NRXN1: variants seen among roughly 807,000 people sequenced by gnomAD.
The protein encoded by NRXN1 is neurexin 1.
A neutral mutation model predicts 150.9 loss-of-function variants in NRXN1; 39 were observed. The observed-to-expected ratio is 0.26, with a 90% CI of 0.20 to 0.34. The LOEUF (loss-of-function observed/expected upper bound fraction) is 0.34. Ranked by LOEUF, NRXN1 falls within the 10% of genes least tolerant of loss-of-function variation. NRXN1 has a pLI of 1.00. For missense variants in NRXN1, 1,815 were observed against 1,949.9 expected (o/e 0.93, Z 1.30); for synonymous variants, 924 against 757.0 (o/e 1.22, Z -3.62).
chr2:50,765,955 G>C (rs927057955), intron 5 of NRXN1, among the ~76,000 whole-genome samples: 2 of 151,938 alleles, frequency 1.3e-5, no homozygotes, highest in African/African-American at 2.4e-5. Flanking sequence ...TGACTGATTG[G>C]TTTTTATGCC....
intron 5 of NRXN1, among the ~76,000 whole-genome samples, chr2:50,839,391 T>C (rs1352946220): frequency 6.6e-6 from 1 of 152,136 alleles, no homozygotes; most frequent in Non-Finnish European, 1.5e-5. Flanking sequence ...ATACCATCAG[T>C]TATTTTAGTT....
At chr2:50,467,906 C>T (rs1347644216) in intron 16 of NRXN1, among the ~76,000 whole-genome samples, 1 of 151,432 alleles carries the variant, frequency 6.6e-6, no homozygotes, top group African/African-American at 2.4e-5. Context: ...CACTTAATTG[C>T]TTAGTTTTAA....
chr2:50,387,590 T>C (rs1481202028), intron 17 of NRXN1, among the ~76,000 whole-genome samples: 1 of 152,182 alleles, frequency 6.6e-6, no homozygotes, highest in African/African-American at 2.4e-5. Context: ...TCTGCTAAGG[T>C]AGGAGAAGTG....
chr2:50,829,216 G>A (rs1447945043), intron 5 of NRXN1, among the ~76,000 whole-genome samples: 7 of 152,126 alleles, frequency 4.6e-5, no homozygotes, highest in Admixed American at 1.3e-4. Context: ...GAGGGAGACC[G>A]TGGAAAGAGA....
At chr2:50,079,335 A>T (rs1301306987) in intron 19 of NRXN1, among the ~76,000 whole-genome samples, 1 of 152,054 alleles carries the variant, frequency 6.6e-6, no homozygotes, top group African/African-American at 2.4e-5. Context: ...TATTGTAAAT[A>T]AAGATTTATT....
chr2:50,589,887 C>A (rs1202766144), intron 8 of NRXN1, among the ~76,000 whole-genome samples: 1 of 152,136 alleles, frequency 6.6e-6, no homozygotes, highest in Non-Finnish European at 1.5e-5. Context: ...GGCACGTGCA[C>A]CCTCATTAGA....
intron 5 of NRXN1, among the ~76,000 whole-genome samples, chr2:50,746,536 C>A (rs1046960376): frequency 1.3e-5 from 2 of 150,732 alleles, no homozygotes; most frequent in Non-Finnish European, 3.0e-5. Flanking sequence ...GCAGCCTGGG[C>A]AACAGAGCAA....
chr2:50,506,434 T>G (rs1558849639), intron 13 of NRXN1, 61 bp downstream of exon 13: 10 of 1,526,434 alleles, frequency 6.6e-6, no homozygotes, highest in Non-Finnish European at 8.0e-6. Flanking sequence ...CAAAACCACC[T>G]GCAAGAAATG....
chr2:50,035,160 A>G (rs2351153), intron 21 of NRXN1, among the ~76,000 whole-genome samples: 117,896 of 152,044 alleles, frequency 0.78, 45,928 homozygotes, highest in Middle Eastern at 0.81. Context: ...ATATGGGGAC[A>G]TCTAATAAAA....
chr2:50,526,353 C>T (rs1293012608), intron 12 of NRXN1, among the ~76,000 whole-genome samples: 1 of 152,080 alleles, frequency 6.6e-6, no homozygotes, highest in Non-Finnish European at 1.5e-5. Flanking sequence ...AGGTATGGCA[C>T]AATTTTTAGA....
intron 5 of NRXN1, among the ~76,000 whole-genome samples, chr2:50,902,850 G>A (rs774032339): frequency 6.6e-6 from 1 of 152,066 alleles, no homozygotes; most frequent in Admixed American, 6.5e-5. Flanking sequence ...CTTTTTACAA[G>A]TCAAAAATGA....
intron 8 of NRXN1, among the ~76,000 whole-genome samples, chr2:50,578,064 A>G (rs957414023): frequency 1.4e-4 from 21 of 152,160 alleles, no homozygotes; most frequent in Non-Finnish European, 1.5e-4. Flanking sequence ...CAAAACCATT[A>G]AAGACTACAA....
At chr2:50,132,997 G>A (rs1326891974) in intron 18 of NRXN1, among the ~76,000 whole-genome samples, 5 of 151,944 alleles carry the variant, frequency 3.3e-5, no homozygotes, top group South Asian at 2.1e-4. Context: ...ATTATACTTC[G>A]TTTGGGTGTA....
chr2:50,399,546 C>A (rs1339780602), intron 17 of NRXN1, among the ~76,000 whole-genome samples: 1 of 151,770 alleles, frequency 6.6e-6, no homozygotes, highest in Admixed American at 6.6e-5. Context: ...AGCACAGGGC[C>A]CTTTGCTCTT....
intron 17 of NRXN1, among the ~76,000 whole-genome samples, chr2:50,449,667 C>G (rs1433967889): frequency 6.6e-6 from 1 of 152,134 alleles, no homozygotes; most frequent in Non-Finnish European, 1.5e-5. Context: ...AGGTTTGTTA[C>G]ATGGGTATAT....
At chr2:50,500,808 G>A (rs931354322) in intron 13 of NRXN1, among the ~76,000 whole-genome samples, 3 of 152,170 alleles carry the variant, frequency 2.0e-5, no homozygotes. Context: ...TATGTGCTCT[G>A]CGTTAGGTTA....
intron 19 of NRXN1, among the ~76,000 whole-genome samples, chr2:50,064,987 A>T (rs1180345337): frequency 6.6e-6 from 1 of 152,118 alleles, no homozygotes; most frequent in Non-Finnish European, 1.5e-5. Context: ...TACCAGAATC[A>T]AAGGATGGTT....
At position 50,552,706 on chromosome 2, in the gene NRXN1, T is replaced by C; in HGVS notation, c.1640A>G (p.Asp547Gly). 6.2e-7 allele frequency: 1 copy of C among 1,614,012 alleles called. No individual in the cohort carries two copies. Among genetic ancestry groups the C allele is most frequent in the Non-Finnish European group, 8.5e-7 (1 of 1,179,874 alleles). Residue 547 changes from aspartate to glycine, a missense_variant, in exon 9 of 23, where the codon GAT becomes GGT. This residue lies in a region of NRXN1 where 638 missense variants were observed against 652.6 expected (regional missense o/e 0.98). Transcript: ENST00000401669. ...KVDFFAIEML[D>G]GHLYLLLDMG... The stretch of plus-strand genomic sequence containing the variant: ...GTCCAGGAGGAGGTAGAGGTGGCCA[T>C]CTAGCATCTCAATAGCAAAGAAGTC...
At chr2:50,102,600 C>A (rs1051892023) in intron 18 of NRXN1, among the ~76,000 whole-genome samples, 1 of 151,992 alleles carries the variant, frequency 6.6e-6, no homozygotes, top group Admixed American at 6.6e-5. Flanking sequence ...CACATTAAAA[C>A]TTACTGTAGC....
Sources: allele counts gnomAD v4.1 joint callset (sites outside exome capture counted in the v4.1 genomes callset), GRCh38; gene constraint gnomAD v4.1.1; regional missense constraint gnomAD v4.1.1; transcripts MANE v1.5; gene names NCBI Gene and HGNC (gene_info 2026-07-23, HGNC 2026-07-21).